CLCN3: variants seen among roughly 807,000 people sequenced by gnomAD.
CLCN3 encodes the protein Cl-/H+ antiporter 3.
A neutral mutation model predicts 83.4 loss-of-function variants in CLCN3; 16 were observed. The ratio of observed to expected loss-of-function variants is 0.19; its 90% CI spans 0.13 to 0.29. The LOEUF (loss-of-function observed/expected upper bound fraction) is 0.29, where lower values mean the gene tolerates loss of function less well. CLCN3 is among the 10% of genes least tolerant of loss of function. The pLI is 1.00. For synonymous variants in CLCN3, 322 were observed against 346.2 expected (o/e 0.93, Z 0.78); for missense variants, 544 against 1,006.0 (o/e 0.54, Z 6.21).
chr4:169,660,072 G>A, intron 2 of CLCN3: 1 of 1,024,850 alleles, frequency 9.8e-7, no homozygotes, highest in Middle Eastern at 4.7e-4. Flanking sequence ...AGTTTTGTGT[G>A]TTGTACTTGG....
chr4:169,651,438 A>G (rs1267527664), intron 2 of CLCN3, among the ~76,000 whole-genome samples: 2 of 152,178 alleles, frequency 1.3e-5, no homozygotes, highest in Non-Finnish European at 2.9e-5. Flanking sequence ...AAGCAAATAT[A>G]GTCATTTCTT....
chr4:169,665,061 A>T (rs1731195551), intron 2 of CLCN3, among the ~76,000 whole-genome samples: 1 of 152,348 alleles, frequency 6.6e-6, no homozygotes, highest in East Asian at 1.9e-4. Context: ...AATTTTATAA[A>T]TTTATGAAAT....
intron 1 of CLCN3, among the ~76,000 whole-genome samples, chr4:169,634,946 A>G (rs1773467604): frequency 6.6e-6 from 1 of 152,140 alleles, no homozygotes; most frequent in African/African-American, 2.4e-5. Flanking sequence ...CTTCATAAAT[A>G]CCTTTTTGTT....
At chr4:169,662,531 G>A (rs1234835775) in intron 2 of CLCN3, among the ~76,000 whole-genome samples, 1 of 152,096 alleles carries the variant, frequency 6.6e-6, no homozygotes, top group African/African-American at 2.4e-5. Context: ...TTCCCTGTGA[G>A]GAAGAACAAA....
Position 169,692,281 on chromosome 4 carries a change from C to G in CLCN3, c.897C>G (p.Leu299=), listed in dbSNP as rs764943285. 2.5e-6 allele frequency: 4 copies of G among 1,613,320 alleles called. No individual in the cohort carries two copies. Among genetic ancestry groups the G allele is most frequent in the Non-Finnish European group, 2.5e-6 (3 of 1,179,464 alleles). The change falls in exon 7 of 13, where the codon CTC becomes CTG. Residue 299 remains leucine, a synonymous_variant. Transcript: ENST00000513761. ...GCTGCGGAAATATCTTTTCCTACCT[C>G]TTTCCAAAGTATAGCACAAACGAAG... The part of the protein sequence containing the change: ...ACCCGNIFSY[L]FPKYSTNEAK...
chr4:169,691,005 T>A (rs1174681140), intron 6 of CLCN3, among the ~76,000 whole-genome samples: 7 of 146,770 alleles, frequency 4.8e-5, no homozygotes, highest in Admixed American at 2.0e-4. Context: ...TGACCCTGAA[T>A]TTTTTTTTTT....
chr4:169,717,171 C>A (rs1349907302), intron 12 of CLCN3, among the ~76,000 whole-genome samples: 1 of 152,102 alleles, frequency 6.6e-6, no homozygotes, highest in African/African-American at 2.4e-5. Flanking sequence ...TCCTTTTAAT[C>A]CCTAATCATA....
chr4:169,646,496 A>T (rs918140178), intron 2 of CLCN3, among the ~76,000 whole-genome samples: 1 of 151,862 alleles, frequency 6.6e-6, no homozygotes, highest in Non-Finnish European at 1.5e-5. Flanking sequence ...GGGTTTCGCT[A>T]TGTTGGCCAG....
At chr4:169,693,810 A>AT (rs1732459322) in intron 7 of CLCN3, among the ~76,000 whole-genome samples, 1 of 152,194 alleles carries the variant, frequency 6.6e-6, no homozygotes, top group Non-Finnish European at 1.5e-5. Context: ...GTTTACCTAA[A>AT]TTTTAATGTT....
At chr4:169,651,906 A>G (rs1730742171) in intron 2 of CLCN3, among the ~76,000 whole-genome samples, 1 of 152,162 alleles carries the variant, frequency 6.6e-6, no homozygotes, top group African/African-American at 2.4e-5. Context: ...TGCTTATGAA[A>G]TTTGTTACCT....
chr4:169,678,407 T>C (rs1462529644), intron 2 of CLCN3, among the ~76,000 whole-genome samples: 1 of 152,192 alleles, frequency 6.6e-6, no homozygotes, highest in Non-Finnish European at 1.5e-5. Flanking sequence ...CAAGTGATAT[T>C]ATTTCTTTTT....
At position 169,697,269 on chromosome 4, in the gene CLCN3, C is replaced by T. The variant is rs751744834; in HGVS notation, c.1098C>T (p.Ile366=). Residue 366 remains isoleucine, a synonymous_variant, in exon 9 of 13, where the codon ATC becomes ATT. Coordinates refer to ENST00000513761, the MANE Select transcript of CLCN3 (RefSeq NM_001829.4). ...TGGCTGCATTTGTTTTGAGGTCCAT[C>T]AATCCATTTGGTAACAGCCGTCTGG... is the stretch of plus-strand genomic sequence containing the variant. ...ALVAAFVLRS[I]NPFGNSRLVL... 1 of 1,613,700 alleles carries T rather than the reference C, an allele frequency of 6.2e-7. No homozygotes were observed. Among genetic ancestry groups the T allele is most frequent in the Non-Finnish European group, 8.5e-7 (1 of 1,179,916 alleles).
At chr4:169,671,480 G>A (rs1025994996) in intron 2 of CLCN3, among the ~76,000 whole-genome samples, 1 of 152,084 alleles carries the variant, frequency 6.6e-6, no homozygotes, top group Non-Finnish European at 1.5e-5. Flanking sequence ...AGAGCATTAG[G>A]ACAAATACAT....
At chr4:169,626,395 G>C (rs927346288) in intron 1 of CLCN3, among the ~76,000 whole-genome samples, 2 of 152,244 alleles carry the variant, frequency 1.3e-5, no homozygotes, top group African/African-American at 2.4e-5. Flanking sequence ...GTCAACAACT[G>C]TGTAGAAATG....
intron 1 of CLCN3, among the ~76,000 whole-genome samples, chr4:169,629,538 T>G (rs1330130604): frequency 6.6e-6 from 1 of 152,078 alleles, no homozygotes; most frequent in Admixed American, 6.6e-5. Flanking sequence ...GCCCGGCTAA[T>G]TTTTGTATTT....
chr4:169,701,065 G>A (rs542745751), intron 9 of CLCN3, among the ~76,000 whole-genome samples: 1 of 152,196 alleles, frequency 6.6e-6, no homozygotes, highest in East Asian at 1.9e-4. Context: ...GATGCTGTTT[G>A]ATACCATTTT....
chr4:169,707,584 T>C (rs1733041467), intron 11 of CLCN3, among the ~76,000 whole-genome samples: 1 of 152,180 alleles, frequency 6.6e-6, no homozygotes, highest in Non-Finnish European at 1.5e-5. Context: ...TATAAGACCT[T>C]AGCTAAATGC....
intron 8 of CLCN3, among the ~76,000 whole-genome samples, chr4:169,696,131 C>T (rs1220409335): frequency 6.6e-6 from 1 of 151,904 alleles, no homozygotes; most frequent in Non-Finnish European, 1.5e-5. Flanking sequence ...CTCTTGTTGC[C>T]CAGGCTGGAG....
rs1362511009 is a variant in CLCN3 at position 169,720,652 on chromosome 4, A to C, written c.*655A>C. ...TGTACTGTGATTTTACTGAGGTTTC[A>C]TCACAAGAAGGGAGTGTTTCTTGTG... On this transcript the variant is annotated 3_prime_UTR_variant, in exon 13 of 13. Transcript: ENST00000513761. 1 of 152,396 alleles carries C rather than the reference A, an allele frequency of 6.6e-6. No homozygotes were observed. Among genetic ancestry groups the C allele is most frequent in the Non-Finnish European group, 1.5e-5 (1 of 68,088 alleles). 9.4% of individuals were successfully genotyped at this position (152,396 alleles called of 1,614,324 possible). A position where few individuals can be genotyped will look rare whatever the true frequency, so the allele number is the denominator to read the frequency against.
Sources: gnomAD v4.1 joint callset for allele counts (sites outside exome capture counted in the v4.1 genomes callset) on GRCh38, gnomAD v4.1.1 for gene constraint, MANE v1.5 for transcripts, NCBI Gene and HGNC (gene_info 2026-07-23, HGNC 2026-07-21) for gene names.